Variants in DENND5B observed in about 807,000 individuals in gnomAD.
DENND5B encodes the protein DENN domain containing 5B.
In DENND5B, 34 loss-of-function variants were observed where a neutral mutation model predicts 140.6. The observed-to-expected ratio is 0.24, with a 90% CI of 0.18 to 0.32. The LOEUF is 0.32. Among genes scored for constraint, DENND5B ranks in the 10% least tolerant of loss-of-function variants. The probability of loss-of-function intolerance (pLI) is 1.00; values close to 1 mark genes in which losing one functional copy is unlikely to be tolerated. For missense variants in DENND5B, 1,142 were observed against 1,560.2 expected, an observed-to-expected ratio of 0.73 and a Z score of 4.52; for synonymous variants, 551 against 562.1, an observed-to-expected ratio of 0.98 and a Z score of 0.28.
chr12:31,402,695 A>G, intron 14 of DENND5B, 52 bp from the exon 15 acceptor site: 4 of 1,545,648 alleles, frequency 2.6e-6, no homozygotes, highest in Non-Finnish European at 1.7e-6. Flanking sequence ...AATTCTCCTT[A>G]TAACAAAACA....
intron 1 of DENND5B, among the ~76,000 whole-genome samples, chr12:31,564,157 G>A (rs1949557179): frequency 1.3e-5 from 2 of 152,016 alleles, no homozygotes; most frequent in Non-Finnish European, 2.9e-5. Context: ...TTAATGACTA[G>A]AATAGATTCA....
chr12:31,470,027 C>T (rs943345192), intron 3 of DENND5B, among the ~76,000 whole-genome samples: 5 of 151,746 alleles, frequency 3.3e-5, no homozygotes, highest in African/African-American at 1.2e-4. Context: ...TGGCTCACTG[C>T]AGCCTCTAAC....
At chr12:31,573,195 T>C (rs1949883421) in intron 1 of DENND5B, among the ~76,000 whole-genome samples, 1 of 152,188 alleles carries the variant, frequency 6.6e-6, no homozygotes, top group Non-Finnish European at 1.5e-5. Context: ...TAAAAAATAT[T>C]CAATTGTGTT....
intron 1 of DENND5B, among the ~76,000 whole-genome samples, chr12:31,562,220 A>G (rs1442066850): frequency 2.6e-5 from 4 of 152,182 alleles, no homozygotes; most frequent in Non-Finnish European, 5.9e-5. Flanking sequence ...TTACCACCCA[A>G]AAGTCCAATA....
At chr12:31,549,227 T>C (rs941477668) in intron 1 of DENND5B, among the ~76,000 whole-genome samples, 1 of 152,140 alleles carries the variant, frequency 6.6e-6, no homozygotes, top group Non-Finnish European at 1.5e-5. Flanking sequence ...CTGACTTTAG[T>C]AAGAAAGTTT....
intron 3 of DENND5B, among the ~76,000 whole-genome samples, chr12:31,469,830 C>T (rs1046197940): frequency 6.6e-6 from 1 of 152,124 alleles, no homozygotes; most frequent in African/African-American, 2.4e-5. Flanking sequence ...CTCTCTCTTG[C>T]TTCCTTCCTC....
At chr12:31,562,797 T>G (rs1949519705) in intron 1 of DENND5B, among the ~76,000 whole-genome samples, 1 of 152,198 alleles carries the variant, frequency 6.6e-6, no homozygotes, top group Admixed American at 6.6e-5. Context: ...GTAATAACTT[T>G]AATTACTTCA....
chr12:31,559,786 G>C (rs1259406), intron 1 of DENND5B, among the ~76,000 whole-genome samples: 11,851 of 151,848 alleles, frequency 0.078, 1,057 homozygotes, highest in African/African-American at 0.22. Flanking sequence ...CCAAGAAAAG[G>C]GTTAGCTGTG....
At chr12:31,402,744 C>A in intron 14 of DENND5B, 101 bp from the exon 15 acceptor site, 1 of 1,391,048 alleles carries the variant, frequency 7.2e-7, no homozygotes. Flanking sequence ...TGATAATTTG[C>A]TTTTTATGAG....
At chr12:31,466,423 T>C (rs1355814605) in intron 3 of DENND5B, among the ~76,000 whole-genome samples, 2 of 151,876 alleles carry the variant, frequency 1.3e-5, no homozygotes, top group Non-Finnish European at 2.9e-5. Flanking sequence ...CTGGACACAG[T>C]GGCTCATGCC....
At chr12:31,456,332 A>AAG (rs1944779214) in intron 4 of DENND5B, among the ~76,000 whole-genome samples, 1 of 25,834 alleles carries the variant, frequency 3.9e-5, no homozygotes, top group Non-Finnish European at 1.3e-4. Flanking sequence ...TCCGTCTCAA[A>AAG]AAAAAAAAAA....
chr12:31,573,521 T>A (rs1355251413), intron 1 of DENND5B, among the ~76,000 whole-genome samples: 1 of 152,256 alleles, frequency 6.6e-6, no homozygotes, highest in African/African-American at 2.4e-5. Context: ...CTTCATGGCC[T>A]TATGTTCACA....
In DENND5B at chr12:31,452,320, T is replaced by C. The variant is rs775905934; in HGVS notation, c.1249A>G (p.Thr417Ala). The C allele has an allele frequency of 1.9e-6, 3 of 1,613,968 alleles. No individual in the cohort carries two copies. The highest frequency in any genetic ancestry group is 2.5e-6 in the Non-Finnish European group (3 of 1,179,888). Reference sequence around the variant, plus strand: ...AGAACCATATTCTTCAGTTTGCTGGTACTCTCACTGCAATGTAGGCTGCCC... The same window carrying C: ...AGAACCATATTCTTCAGTTTGCTGGCACTCTCACTGCAATGTAGGCTGCCC... ...PEGSLHCSESTSKLKNMVLKD... is the reference protein window; with the variant it reads ...PEGSLHCSESASKLKNMVLKD... The change falls in exon 5 of 21, where the codon ACC becomes GCC. Residue 417 changes from threonine (T) to alanine (A), a missense_variant. Physicochemically the swap from Thr to Ala is moderately conservative, Grantham distance 58. This residue lies in a region of DENND5B where 708 missense variants were observed against 905.5 expected (regional missense o/e 0.78). Transcript: ENST00000389082.
At chr12:31,469,388 A>T (rs1384711374) in intron 3 of DENND5B, among the ~76,000 whole-genome samples, 2 of 151,572 alleles carry the variant, frequency 1.3e-5, no homozygotes, top group Non-Finnish European at 2.9e-5. Flanking sequence ...GAGCTTCTGG[A>T]CTGGCAAATA....
chr12:31,539,937 T>C (rs1355136011), intron 1 of DENND5B, among the ~76,000 whole-genome samples: 2 of 152,158 alleles, frequency 1.3e-5, no homozygotes, highest in Non-Finnish European at 2.9e-5. Context: ...GGAGTCAAGT[T>C]ATCCTTGTTT....
At chr12:31,481,251 C>T (rs971095234) in intron 2 of DENND5B, among the ~76,000 whole-genome samples, 3 of 152,028 alleles carry the variant, frequency 2.0e-5, no homozygotes, top group Non-Finnish European at 4.4e-5. Flanking sequence ...TCCCACATCC[C>T]CACATTACCA....
chr12:31,392,138 C>CA (rs879273266), intron 19 of DENND5B, 129 bp downstream of exon 19: 81,567 of 692,034 alleles, frequency 0.12, 5 homozygotes, highest in Non-Finnish European at 0.13. Context: ...GATTCCGTCT[C>CA]AAAAAAAAAA....
chr12:31,468,057 C>G (rs1945358092), intron 3 of DENND5B, among the ~76,000 whole-genome samples: 4 of 151,862 alleles, frequency 2.6e-5, no homozygotes, highest in Admixed American at 2.6e-4. Flanking sequence ...AGTTCAAGAC[C>G]AGCCTGGGCA....
At chr12:31,528,738 G>C (rs1167214217) in intron 1 of DENND5B, among the ~76,000 whole-genome samples, 1 of 152,194 alleles carries the variant, frequency 6.6e-6, no homozygotes, top group Non-Finnish European at 1.5e-5. Flanking sequence ...TACTGATTTT[G>C]AGATGCCAAT....
Sources: gnomAD v4.1 joint callset for allele counts (sites outside exome capture counted in the v4.1 genomes callset) on GRCh38, gnomAD v4.1.1 for gene constraint, gnomAD v4.1.1 regional missense constraint, MANE v1.5 for transcripts, NCBI Gene and HGNC (gene_info 2026-07-23, HGNC 2026-07-21) for gene names.